The following CPNE4 variants were observed in gnomAD, a reference collection of about 807,000 sequenced individuals.
The protein encoded by CPNE4 is copine-4.
In CPNE4, 25 loss-of-function variants were observed where a neutral mutation model predicts 67.9. The observed-to-expected ratio is 0.37, with a 90% CI of 0.27 to 0.51. The LOEUF is 0.51. CPNE4 is among the 20% of genes least tolerant of loss of function. The pLI, the probability that CPNE4 is intolerant of heterozygous loss-of-function variation, is 0.93. For synonymous variants in CPNE4, 242 were observed against 244.9 expected (o/e 0.99, Z 0.11); for missense variants, 464 against 690.8 (o/e 0.67, Z 3.68).
At chr3:131,704,268 T>A (rs541036031) in intron 3 of CPNE4, among the ~76,000 whole-genome samples, 5 of 152,332 alleles carry the variant, frequency 3.3e-5, no homozygotes, top group Admixed American at 3.3e-4. Flanking sequence ...GCCTGAAAGT[T>A]TCCTCTGGTA....
At chr3:131,552,525 AAAG>A (rs778905843) in intron 12 of CPNE4, 34 bp from the exon 13 acceptor site, 11 of 1,582,200 alleles carry the variant, frequency 7.0e-6, no homozygotes, top group South Asian at 2.2e-5. Context: ...AAACAGGAAG[AAAG>A]AAGAATTACA....
chr3:131,690,060 A>G (rs2080996747), intron 5 of CPNE4, among the ~76,000 whole-genome samples: 1 of 152,208 alleles, frequency 6.6e-6, no homozygotes, highest in African/African-American at 2.4e-5. Context: ...CAAATGGAAA[A>G]GCATTCCATG....
At chr3:131,581,505 G>A in intron 9 of CPNE4, 74 bp downstream of exon 9, 1 of 974,590 alleles carries the variant, frequency 1.0e-6, no homozygotes. Flanking sequence ...CTTTTCCTCT[G>A]ACCACACCAC....
intron 14 of CPNE4, among the ~76,000 whole-genome samples, chr3:131,544,517 C>G (rs1248529535): frequency 6.6e-6 from 1 of 152,146 alleles, no homozygotes; most frequent in East Asian, 1.9e-4. Flanking sequence ...GCTGAATTCC[C>G]AGTTTGGTTT....
intron 2 of CPNE4, among the ~76,000 whole-genome samples, chr3:131,801,093 A>G (rs1266638667): frequency 6.6e-6 from 1 of 152,060 alleles, no homozygotes; most frequent in Non-Finnish European, 1.5e-5. Context: ...GGATTGTGGT[A>G]CATAAATATA....
chr3:131,654,508 C>T (rs192526218), intron 7 of CPNE4, among the ~76,000 whole-genome samples: 1 of 152,218 alleles, frequency 6.6e-6, no homozygotes, highest in African/African-American at 2.4e-5. Context: ...ATTTGGTTTT[C>T]TGTTTCTGTG....
Position 131,696,534 on chromosome 3 carries a change from C to T in CPNE4, c.507+8G>A, listed in dbSNP as rs770001263. ...TTCCTTCAATAAGGTTAATGCCAAACGCTTTACCTTGTCATCCAATTTCCG... is the reference window on the plus strand; with the variant it reads ...TTCCTTCAATAAGGTTAATGCCAAATGCTTTACCTTGTCATCCAATTTCCG... On this transcript the variant is annotated splice_region_variant and intron_variant, in intron 5 of 15. Transcript: ENST00000429747. The T allele has an allele frequency of 3.4e-5, 55 of 1,612,268 alleles. No individual in the cohort carries two copies. In the Middle Eastern group the frequency reaches 1.6e-3, roughly 48 times the overall value.
chr3:131,794,024 A>T (rs1433267620), intron 2 of CPNE4, among the ~76,000 whole-genome samples: 1 of 152,224 alleles, frequency 6.6e-6, no homozygotes, highest in Non-Finnish European at 1.5e-5. Flanking sequence ...TCAAATAATT[A>T]TAATTCACTG....
intron 1 of CPNE4, among the ~76,000 whole-genome samples, chr3:131,915,987 A>C (rs2089167215): frequency 6.6e-6 from 1 of 152,202 alleles, no homozygotes; most frequent in African/African-American, 2.4e-5. Context: ...TAACCGAATA[A>C]TTTTAAATGC....
chr3:131,942,421 C>CGTGTGTGTGTGTGT (rs745460930), intron 1 of CPNE4, among the ~76,000 whole-genome samples: 1 of 89,670 alleles, frequency 1.1e-5, no homozygotes, highest in East Asian at 3.2e-4. Flanking sequence ...CTAGCTTCCT[C>CGTGTGTGTGTGTGT]GTGTGTGTGT....
At chr3:131,741,291 T>C (rs975333005) in intron 2 of CPNE4, among the ~76,000 whole-genome samples, 7 of 152,168 alleles carry the variant, frequency 4.6e-5, no homozygotes, top group African/African-American at 1.7e-4. Flanking sequence ...GAATGGATGA[T>C]TGTTGTAAAC....
chr3:131,818,750 T>C (rs2084844318), intron 2 of CPNE4, among the ~76,000 whole-genome samples: 1 of 152,216 alleles, frequency 6.6e-6, no homozygotes, highest in Non-Finnish European at 1.5e-5. Context: ...ATCCCCATTT[T>C]AGGAAGTTGT....
At chr3:131,840,111 T>A (rs2085714951) in intron 2 of CPNE4, among the ~76,000 whole-genome samples, 1 of 152,158 alleles carries the variant, frequency 6.6e-6, no homozygotes, top group Non-Finnish European at 1.5e-5. Flanking sequence ...AAAAGCCACA[T>A]CTGTCAGGGT....
chr3:131,538,261 G>A (rs1935279727), intron 15 of CPNE4, among the ~76,000 whole-genome samples: 1 of 152,204 alleles, frequency 6.6e-6, no homozygotes, highest in Admixed American at 6.5e-5. Context: ...TTGAAATAAA[G>A]CAAGTCTGAC....
chr3:131,769,430 C>G (rs1016862384), intron 2 of CPNE4, among the ~76,000 whole-genome samples: 2 of 152,086 alleles, frequency 1.3e-5, no homozygotes, highest in Non-Finnish European at 2.9e-5. Context: ...GACAAGATGG[C>G]TACCAGCTGA....
chr3:131,685,624 A>G (rs546148974), intron 6 of CPNE4, among the ~76,000 whole-genome samples: 12 of 152,242 alleles, frequency 7.9e-5, no homozygotes, highest in African/African-American at 2.9e-4. Context: ...TCTACTAAAA[A>G]TACAAAAATT....
chr3:131,745,729 CTGT>C, intron 2 of CPNE4, among the ~76,000 whole-genome samples: 1 of 152,062 alleles, frequency 6.6e-6, no homozygotes, highest in Non-Finnish European at 1.5e-5. Flanking sequence ...TCTGGTTTCT[CTGT>C]TGTTCTGTTA....
At chr3:131,895,455 A>G (rs988523938) in intron 2 of CPNE4, among the ~76,000 whole-genome samples, 7 of 152,112 alleles carry the variant, frequency 4.6e-5, no homozygotes, top group African/African-American at 1.7e-4. Context: ...ATTGTCCCCC[A>G]TCAATATATA....
At chr3:131,823,857 A>G (rs1185559370) in intron 2 of CPNE4, among the ~76,000 whole-genome samples, 1 of 152,240 alleles carries the variant, frequency 6.6e-6, no homozygotes, top group Non-Finnish European at 1.5e-5. Context: ...AGCTACTAGT[A>G]TGCACATTAA....
Sources: gnomAD v4.1 joint callset for allele counts (sites outside exome capture counted in the v4.1 genomes callset) on GRCh38, gnomAD v4.1.1 for gene constraint, MANE v1.5 for transcripts, NCBI Gene and HGNC (gene_info 2026-07-23, HGNC 2026-07-21) for gene names.